XCR1: variants seen among roughly 807,000 people sequenced by gnomAD.
XCR1 encodes the protein X-C motif chemokine receptor 1.
For synonymous variants in XCR1, 187 were observed against 188.5 expected (o/e 0.99, Z 0.06); for missense variants, 356 against 424.2 (o/e 0.84, Z 1.41).
intron 5 of XCR1, among the ~76,000 whole-genome samples, chr3:46,044,466 C>A: frequency 6.6e-6 from 1 of 152,068 alleles, no homozygotes; most frequent in South Asian, 2.1e-4. Context: ...TTTTAATATA[C>A]TCTGGTATTA....
chr3:46,072,816 A>G (rs1349616329), intron 3 of XCR1, among the ~76,000 whole-genome samples: 2 of 152,238 alleles, frequency 1.3e-5, no homozygotes, highest in Non-Finnish European at 2.9e-5. Flanking sequence ...TAGCTAAAGT[A>G]TTCCTAAGCA....
chr3:46,068,094 T>C (rs1313560548), intron 3 of XCR1, among the ~76,000 whole-genome samples: 2 of 152,204 alleles, frequency 1.3e-5, no homozygotes, highest in African/African-American at 2.4e-5. Context: ...GTGGCTTACA[T>C]AGAGGGAGGC....
chr3:46,019,437 A>C lies in XCR1; in HGVS notation c.*1509T>G, dbSNP rs1708101066. 6.6e-6 allele frequency: 1 copy of C among 152,192 alleles called. No individual in the cohort carries two copies. The highest frequency in any genetic ancestry group is 6.5e-5 in the Admixed American group (1 of 15,280). 9.4% of individuals were successfully genotyped at this position (152,192 alleles called of 1,614,324 possible). A position where few individuals can be genotyped will look rare whatever the true frequency, so the allele number is the denominator to read the frequency against. ...AAGACATTGCATGTGTGTAACTACA[A>C]CACAAGGTTGTTTTATTTTAGAGGG... On this transcript the variant is annotated 3_prime_UTR_variant, in exon 2 of 2. Transcript: ENST00000309285.
chr3:46,062,047 T>A (rs116828954), intron 4 of XCR1, among the ~76,000 whole-genome samples: 3,605 of 152,158 alleles, frequency 0.024, 149 homozygotes, highest in African/African-American at 0.08. Context: ...TCAGCCAGAC[T>A]CCAATTTGGA....
At chr3:46,040,747 A>G (rs1446973779) in intron 5 of XCR1, among the ~76,000 whole-genome samples, 6 of 152,160 alleles carry the variant, frequency 3.9e-5, no homozygotes, top group Non-Finnish European at 8.8e-5. Flanking sequence ...AGTGACTTAT[A>G]ATCAGCTTCA....
intron 4 of XCR1, among the ~76,000 whole-genome samples, chr3:46,054,646 G>A (rs1243128380): frequency 3.9e-5 from 6 of 152,074 alleles, no homozygotes; most frequent in Admixed American, 2.6e-4. Flanking sequence ...CTGAGATGAC[G>A]AGTATTACCA....
In XCR1 at chr3:46,021,122, C is replaced by T. The variant is rs1426821116; in HGVS notation, c.826G>A (p.Ala276Thr). ...GGGTTAAAGCAGCAGTGGGAGAAGG[C>T]GAGGTTGCGGCAGATGAGCAGGGCG... ...EYALLICRNL[A>T]FSHCCFNPVL... is the part of the protein sequence containing the mutation. Residue 276 changes from alanine (A) to threonine (T), a missense_variant, in exon 2 of 2, where the codon GCC becomes ACC. Physicochemically the swap from Ala to Thr is moderately conservative, Grantham distance 58. Transcript: ENST00000309285. This position sits in a 1 kb window ranked among gnomAD's most constrained non-coding sequence, Gnocchi z 4.7. 3.7e-6 allele frequency: 6 copies of T among 1,614,222 alleles called. No homozygotes were observed. Among genetic ancestry groups the T allele is most frequent in the South Asian group, 2.2e-5 (2 of 91,084 alleles).
At chr3:46,034,580 G>T (rs535233830) in intron 5 of XCR1, among the ~76,000 whole-genome samples, 16 of 152,148 alleles carry the variant, frequency 1.1e-4, no homozygotes, top group Admixed American at 3.3e-4. Context: ...AAGAATGTTA[G>T]GTTTAGGTTT....
At chr3:46,060,339 ATTGACT>A (rs1215565171) in intron 4 of XCR1, among the ~76,000 whole-genome samples, 1 of 152,154 alleles carries the variant, frequency 6.6e-6, no homozygotes, top group African/African-American at 2.4e-5. Flanking sequence ...GTAGTTCTCC[ATTGACT>A]TTAATCACAG....
In XCR1 at chr3:46,017,401, G is replaced by T. The variant is rs1031518758; in HGVS notation, c.*3545C>A. The T allele has an allele frequency of 5.3e-5, 8 of 152,230 alleles. No individual in the cohort carries two copies. Among genetic ancestry groups the T allele is most frequent in the East Asian group, 1.9e-4 (1 of 5,206 alleles). 9.4% of individuals were successfully genotyped at this position (152,230 alleles called of 1,614,324 possible). A position where few individuals can be genotyped will look rare whatever the true frequency, so the allele number is the denominator to read the frequency against. ...ACAAAGCTTAATTCCAAACAAAAAA[G>T]ATGATGTTTAGGCCGGTGGGCCCCA... is the stretch of plus-strand genomic sequence containing the variant. On this transcript the variant is annotated 3_prime_UTR_variant, in exon 2 of 2. Transcript: ENST00000309285.
intron 5 of XCR1, among the ~76,000 whole-genome samples, chr3:46,039,414 G>A (rs1466042668): frequency 6.6e-6 from 1 of 152,210 alleles, no homozygotes; most frequent in African/African-American, 2.4e-5. Context: ...TTAGACATGT[G>A]CAATGCGTAA....
In XCR1 at chr3:46,057,941, C is replaced by T. The variant is rs896322105; in HGVS notation, c.-182-3871G>A. ...CTATCTATCTATCTATCTACGCATC[C>T]ATCTATCTATCTATCTGCCATCTAT... On this transcript the variant is annotated intron_variant, in intron 4 of 5. Coordinates refer to the XCR1 transcript ENST00000683768. Among the ~76,000 whole-genome samples the T allele has an allele frequency of 2.0e-3, 260 of 129,004 alleles. 3 individuals carry two copies. The highest frequency in any genetic ancestry group is 0.019 in the Admixed American group (237 of 12,434). The allele number at this position is 129,004 out of a possible 152,430, so 84.6% of individuals were successfully genotyped here.
intron 3 of XCR1, among the ~76,000 whole-genome samples, chr3:46,073,064 C>T (rs534572602): frequency 5.3e-5 from 8 of 151,962 alleles, no homozygotes; most frequent in African/African-American, 1.2e-4. Flanking sequence ...AATTGAATTG[C>T]GATATGCAGA....
At chr3:46,081,736 C>G (rs1242402580) in intron 1 of XCR1, among the ~76,000 whole-genome samples, 1 of 151,202 alleles carries the variant, frequency 6.6e-6, no homozygotes, top group Non-Finnish European at 1.5e-5. Flanking sequence ...TGGGGATACA[C>G]ATGCAGCTTT....
chr3:46,083,519 G>A (rs1173259198), intron 1 of XCR1, among the ~76,000 whole-genome samples: 1 of 152,128 alleles, frequency 6.6e-6, no homozygotes, highest in Non-Finnish European at 1.5e-5. Context: ...TAATTATCTG[G>A]CTGGCCATCA....
rs1385072617 is a variant in XCR1, at chr3:46,021,617, T to C, written c.331A>G (p.Ile111Val). 4 of 1,613,260 alleles carry C rather than the reference T, an allele frequency of 2.5e-6. No individual in the cohort carries two copies. Among genetic ancestry groups the C allele is most frequent in the Non-Finnish European group, 3.4e-6 (4 of 1,179,720 alleles). ...AAGAAGATGCTGCTGTAGAGGCTGATGGAGAAGATCATATTGAGGAGTTTG... is the reference window on the plus strand; with the variant it reads ...AAGAAGATGCTGCTGTAGAGGCTGACGGAGAAGATCATATTGAGGAGTTTG... ...LCKLLNMIFSISLYSSIFFLT... is the reference protein window; with the variant it reads ...LCKLLNMIFSVSLYSSIFFLT... The change falls in exon 2 of 2, where the codon ATC becomes GTC. Residue 111 changes from isoleucine (I) to valine (V), a missense_variant. Physicochemically the swap from Ile to Val is conservative, Grantham distance 29. Coordinates refer to ENST00000309285, the MANE Select transcript of XCR1 (RefSeq NM_001024644.2). This position sits in a 1 kb window ranked among gnomAD's most constrained non-coding sequence, Gnocchi z 4.7.
In XCR1 at chr3:46,018,277, A is replaced by G. The variant is rs961285909; in HGVS notation, c.*2669T>C. Reference sequence around the variant, plus strand: ...GGGGAGAGGGTGAAGTGAGCTTCTCAAGGGGCCTCAACCCCCAAACCTGCC... The same window carrying G: ...GGGGAGAGGGTGAAGTGAGCTTCTCGAGGGGCCTCAACCCCCAAACCTGCC... On this transcript the variant is annotated 3_prime_UTR_variant, in exon 2 of 2. Coordinates refer to ENST00000309285, the MANE Select transcript of XCR1 (RefSeq NM_001024644.2). 2 of 152,168 alleles carry G rather than the reference A, an allele frequency of 1.3e-5. No homozygotes were observed. Among genetic ancestry groups the G allele is most frequent in the Non-Finnish European group, 2.9e-5 (2 of 68,040 alleles). The allele number at this position is 152,168 out of a possible 1,614,324, so 9.4% of individuals were successfully genotyped here. A position where few individuals can be genotyped will look rare whatever the true frequency, so the allele number is the denominator to read the frequency against.
chr3:46,078,355 C>T lies in XCR1; in HGVS notation c.-514-1429G>A, dbSNP rs532499398. Among the ~76,000 whole-genome samples, 8 of 152,312 alleles carry T rather than the reference C, an allele frequency of 5.3e-5. No individual in the cohort carries two copies. In the East Asian group the frequency reaches 1.2e-3, roughly 22 times the overall value. ...GCCAGCTCTGGGAACCTCTTGTATTCTGACTTTGAGAGAAATTGTTGAATG... is the reference window on the plus strand; with the variant it reads ...GCCAGCTCTGGGAACCTCTTGTATTTTGACTTTGAGAGAAATTGTTGAATG... On this transcript the variant is annotated intron_variant, in intron 1 of 5. Transcript: ENST00000683768.
chr3:46,039,825 T>G (rs1226297484), intron 5 of XCR1, among the ~76,000 whole-genome samples: 2 of 152,164 alleles, frequency 1.3e-5, no homozygotes, highest in Non-Finnish European at 2.9e-5. Context: ...TTTCTATAAA[T>G]TAAACAATAT....
Sources: gnomAD v4.1 joint callset for allele counts (sites outside exome capture counted in the v4.1 genomes callset) on GRCh38, gnomAD v4.1.1 for gene constraint, Gnocchi (gnomAD v3.1) non-coding constraint, MANE v1.5 for transcripts, NCBI Gene and HGNC (gene_info 2026-07-23, HGNC 2026-07-21) for gene names.